The following REV3L variants were observed in gnomAD, a reference collection of about 807,000 sequenced individuals.
REV3L encodes DNA polymerase zeta catalytic subunit.
Under a neutral mutation model 299.4 loss-of-function variants are expected in REV3L, and 69 were observed. The ratio of observed to expected loss-of-function variants is 0.23; its 90% CI spans 0.19 to 0.28. The LOEUF is 0.28. REV3L is among the 10% of genes least tolerant of loss of function. The probability of loss-of-function intolerance (pLI) is 1.00; values close to 1 mark genes in which losing one functional copy is unlikely to be tolerated. For synonymous variants in REV3L, 1,238 were observed against 1,271.4 expected (o/e 0.97, Z 0.56); for missense variants, 3,128 against 3,693.8 (o/e 0.85, Z 3.97).
intron 1 of REV3L, among the ~76,000 whole-genome samples, chr6:111,482,448 T>C (rs1186134903): frequency 6.6e-6 from 1 of 151,850 alleles, no homozygotes; most frequent in African/African-American, 2.4e-5. Context: ...GCTTTCGCTC[T>C]CCCGGCCCGC....
intron 2 of REV3L, among the ~76,000 whole-genome samples, chr6:111,413,722 T>C (rs1247614401): frequency 6.6e-6 from 1 of 151,942 alleles, no homozygotes; most frequent in African/African-American, 2.4e-5. Context: ...AAAAGAAAAC[T>C]GCAATGAAAA....
chr6:111,374,217 A>C lies in REV3L; in HGVS notation c.4138T>G (p.Ser1380Ala). Reference sequence around the variant, plus strand: ...TTATTTGCATTATCTTCTATCTTTGAGGACATACCAGAAGATATCTGTGTA... The same window carrying C: ...TTATTTGCATTATCTTCTATCTTTGCGGACATACCAGAAGATATCTGTGTA... ...QNTQISSGMS[S>A]KIEDNANNIQ... The change falls in exon 13 of 32, where the codon TCA (serine) becomes GCA (alanine). Residue 1380 changes from serine (S) to alanine (A), a missense_variant. Around this residue, in one of 9 missense-constraint regions of REV3L, gnomAD observed 2,409 missense variants for 2,611.8 expected, o/e 0.92. Transcript: ENST00000368802. The C allele has an allele frequency of 6.2e-7, 1 of 1,613,852 alleles. No individual in the cohort carries two copies. The highest frequency in any genetic ancestry group is 1.7e-5 in the Admixed American group (1 of 60,024).
In REV3L at chr6:111,304,932, G is replaced by GTTCT. The variant is rs199901996; in HGVS notation, c.9252+2425_9252+2428dup. On this transcript the variant is annotated intron_variant, in intron 31 of 31. Coordinates refer to ENST00000368802, the MANE Select transcript of REV3L (RefSeq NM_001372078.1). ...ATGTTGTTACAAAGGACATGATTTT[G>GTTCT]TTCTTTGTTCTTTTTTTTTTTTTTT... is the stretch of plus-strand genomic sequence containing the variant. Among the ~76,000 whole-genome samples the GTTCT allele has an allele frequency of 7.1e-3, 1,051 of 147,064 alleles. 4 individuals are homozygous for GTTCT. Among genetic ancestry groups the GTTCT allele is most frequent in the Non-Finnish European group, 0.012 (768 of 66,714 alleles).
chr6:111,393,641 T>C (rs1782170821), intron 4 of REV3L, among the ~76,000 whole-genome samples: 1 of 152,196 alleles, frequency 6.6e-6, no homozygotes. Context: ...CCTGTCTTCG[T>C]ATCTTCCTGG....
intron 1 of REV3L, among the ~76,000 whole-genome samples, chr6:111,466,062 T>G (rs1230233802): frequency 1.3e-5 from 2 of 152,192 alleles, no homozygotes; most frequent in African/African-American, 4.8e-5. Flanking sequence ...CTTACAGCAG[T>G]CTGAGAGGGA....
chr6:111,307,182 AAAAC>A (rs1190603916), intron 31 of REV3L, among the ~76,000 whole-genome samples, 175 bp downstream of exon 31: 18 of 152,352 alleles, frequency 1.2e-4, no homozygotes, highest in African/African-American at 3.6e-4. Context: ...AATAAATTAT[AAAAC>A]AAACCATTAT....
chr6:111,460,571 T>C (rs1790648696), intron 1 of REV3L, among the ~76,000 whole-genome samples: 1 of 151,964 alleles, frequency 6.6e-6, no homozygotes, highest in African/African-American at 2.4e-5. Context: ...TAAAGTCTTT[T>C]TGAGAGAAAC....
chr6:111,375,194 G>T lies in REV3L; in HGVS notation c.3161C>A (p.Ser1054Tyr), dbSNP rs1377292453. Residue 1054 changes from serine to tyrosine, a missense_variant, in exon 13 of 32, where the codon TCT (serine) becomes TAT (tyrosine). Around this residue, in one of 9 missense-constraint regions of REV3L, gnomAD observed 2,409 missense variants for 2,611.8 expected, o/e 0.92. Transcript: ENST00000368802. ...TTGTTTACCAGTTTTTTTCTTAGCA[G>T]ATTTATGTTTTGACTTTCTTCTGTG... The part of the protein sequence containing the change: ...KSHRRKSKHK[S>Y]AKKKTGKQQR... The T allele has an allele frequency of 5.0e-6, 8 of 1,610,914 alleles. No individual in the cohort carries two copies. The highest frequency in any genetic ancestry group is 6.8e-6 in the Non-Finnish European group (8 of 1,179,294).
intron 1 of REV3L, 130 bp downstream of exon 1, chr6:111,482,620 G>T: frequency 2.4e-6 from 1 of 413,272 alleles, no homozygotes; most frequent in Non-Finnish European, 3.4e-6. Context: ...AGGGCGGAGG[G>T]GAGGGAAGAC....
rs1253076939 is a variant in REV3L, at chr6:111,372,882, G to C, written c.5473C>G (p.Pro1825Ala). The C allele has an allele frequency of 3.7e-6, 6 of 1,613,992 alleles. No individual in the cohort carries two copies. Among genetic ancestry groups the C allele is most frequent in the Non-Finnish European group, 5.1e-6 (6 of 1,180,014 alleles). The change falls in exon 13 of 32, where the codon CCT becomes GCT. Residue 1825 changes from proline (P) to alanine (A), a missense_variant. Transcript: ENST00000368802. ...GCCACGTCTACAAGTTCACCATCAG[G>C]GGAGGAGAGTATTGCAGTAAAAGAG... The part of the protein sequence containing the change: ...NTSFTAILSS[P>A]DGELVDVACE...
intron 20 of REV3L, among the ~76,000 whole-genome samples, chr6:111,346,968 A>G (rs947018200): frequency 3.9e-5 from 6 of 152,146 alleles, no homozygotes; most frequent in Non-Finnish European, 5.9e-5. Context: ...ATATCAGACT[A>G]TACATTAAAA....
intron 4 of REV3L, among the ~76,000 whole-genome samples, chr6:111,396,936 T>C (rs905573118): frequency 5.9e-5 from 9 of 152,294 alleles, no homozygotes; most frequent in East Asian, 1.9e-4. Flanking sequence ...TTGTTCATGA[T>C]AGTCTCTGAT....
rs1213491740 is a variant in REV3L, at chr6:111,374,720, T to C, written c.3635A>G (p.Gln1212Arg). The C allele has an allele frequency of 3.7e-6, 6 of 1,613,248 alleles. No individual in the cohort carries two copies. Among genetic ancestry groups the C allele is most frequent in the Non-Finnish European group, 5.1e-6 (6 of 1,179,846 alleles). Reference sequence around the variant, plus strand: ...CGATGTACCTTTCTCATTTGTTTTTTGTTTTGCTCTTGGTTTCTTTTTTCC... The same window carrying C: ...CGATGTACCTTTCTCATTTGTTTTTCGTTTTGCTCTTGGTTTCTTTTTTCC... ...DDGKKKPRAK[Q>R]KTNEKGTSRK... The change falls in exon 13 of 32, where the codon CAA becomes CGA. Residue 1212 changes from glutamine to arginine, a missense_variant. By Grantham distance (43) the Gln-to-Arg change is conservative (BLOSUM62 1). Coordinates refer to ENST00000368802, the MANE Select transcript of REV3L (RefSeq NM_001372078.1).
rs1194539404 is a variant in REV3L, at chr6:111,329,766, AC to A, written c.8035-29del. 3 of 1,500,098 alleles carry A rather than the reference AC, an allele frequency of 2.0e-6. No homozygotes were observed. The African/African-American group carries it at 4.1e-5, about 21-fold the overall frequency. The allele number at this position is 1,500,098 out of a possible 1,614,324, so 92.9% of individuals were successfully genotyped here. On this transcript the variant is annotated intron_variant, in intron 24 of 31. Transcript: ENST00000368802. ...ATCATAAAGAAAAAAAATGTTTAAA[AC>A]CCCTCAAACATTATAGATTTACATA...
intron 1 of REV3L, among the ~76,000 whole-genome samples, chr6:111,473,759 A>G (rs1443169617): frequency 6.6e-6 from 1 of 151,994 alleles, no homozygotes; most frequent in African/African-American, 2.4e-5. Flanking sequence ...CCTTCCTCCA[A>G]TATTCCCTCA....
At chr6:111,304,896 C>A (rs988024646) in intron 31 of REV3L, among the ~76,000 whole-genome samples, 2 of 151,616 alleles carry the variant, frequency 1.3e-5, no homozygotes, top group Non-Finnish European at 2.9e-5. Flanking sequence ...ATAATAGCCC[C>A]AGCTGCATCC....
intron 31 of REV3L, among the ~76,000 whole-genome samples, chr6:111,306,621 A>G (rs1203612745): frequency 6.6e-6 from 1 of 152,218 alleles, no homozygotes; most frequent in Non-Finnish European, 1.5e-5. Flanking sequence ...TGTAACATGC[A>G]AATCACTTAA....
intron 1 of REV3L, among the ~76,000 whole-genome samples, chr6:111,469,034 T>C (rs1426570591): frequency 6.6e-6 from 1 of 151,998 alleles, no homozygotes; most frequent in Non-Finnish European, 1.5e-5. Flanking sequence ...GGGTGGTGCA[T>C]GCCTGTAATC....
chr6:111,429,416 A>G (rs1258927114), intron 1 of REV3L, among the ~76,000 whole-genome samples: 1 of 152,244 alleles, frequency 6.6e-6, no homozygotes, highest in African/African-American at 2.4e-5. Flanking sequence ...CCAGACAGAA[A>G]AAAACACTAA....
Sources: gnomAD v4.1 joint callset for allele counts (sites outside exome capture counted in the v4.1 genomes callset) on GRCh38, gnomAD v4.1.1 for gene constraint, gnomAD v4.1.1 regional missense constraint, MANE v1.5 for transcripts, NCBI Gene and HGNC (gene_info 2026-07-23, HGNC 2026-07-21) for gene names.